Variants in ZRANB3 observed in about 807,000 individuals in gnomAD.
ZRANB3 encodes DNA annealing helicase and endonuclease ZRANB3.
Under a neutral mutation model 133.8 loss-of-function variants are expected in ZRANB3, and 125 were observed. The observed-to-expected ratio is 0.93, with a 90% CI of 0.81 to 1.08. ZRANB3 has a LOEUF of 1.08. Among genes scored for constraint, ZRANB3 ranks in the 50% least tolerant of loss-of-function variants. The probability of loss-of-function intolerance (pLI) is 0.00; values close to 1 mark genes in which losing one functional copy is unlikely to be tolerated. For missense variants in ZRANB3, 1,229 were observed against 1,275.5 expected, an observed-to-expected ratio of 0.96 and a Z score of 0.56; for synonymous variants, 387 against 432.7, an observed-to-expected ratio of 0.89 and a Z score of 1.31.
At chr2:135,234,658 T>C (rs1695204850) in intron 12 of ZRANB3, among the ~76,000 whole-genome samples, 1 of 152,244 alleles carries the variant, frequency 6.6e-6, no homozygotes, top group East Asian at 1.9e-4. Context: ...CATAACTACA[T>C]GGAAACTGAA....
intron 3 of ZRANB3, among the ~76,000 whole-genome samples, chr2:135,384,180 G>A (rs1360964365): frequency 6.6e-6 from 1 of 152,154 alleles, no homozygotes; most frequent in Non-Finnish European, 1.5e-5. Flanking sequence ...CAATTCCACA[G>A]AAATGCAAAT....
chr2:135,506,814 A>G (rs999079614), intron 1 of ZRANB3, among the ~76,000 whole-genome samples: 1 of 152,204 alleles, frequency 6.6e-6, no homozygotes, highest in African/African-American at 2.4e-5. Context: ...GGCAGGAGAT[A>G]AATGTTCTTA....
At chr2:135,371,659 T>G (rs1686186006) in intron 3 of ZRANB3, among the ~76,000 whole-genome samples, 2 of 152,350 alleles carry the variant, frequency 1.3e-5, no homozygotes, top group South Asian at 2.1e-4. Context: ...GATAAATTTT[T>G]AGGCTGAGAA....
chr2:135,228,316 T>TG (rs1475578897), intron 13 of ZRANB3: 4 of 204,942 alleles, frequency 2.0e-5, no homozygotes, highest in South Asian at 8.6e-5. Context: ...AGTTTTGTTT[T>TG]TTTTTTTTTT....
intron 2 of ZRANB3, among the ~76,000 whole-genome samples, chr2:135,434,268 C>T (rs772839148): frequency 4.6e-5 from 7 of 152,152 alleles, no homozygotes; most frequent in African/African-American, 7.2e-5. Context: ...TATTAACAGG[C>T]GGATCTGAGT....
chr2:135,511,337 T>C, intron 1 of ZRANB3: 2 of 853,308 alleles, frequency 2.3e-6, no homozygotes, highest in Non-Finnish European at 4.1e-6. Flanking sequence ...ATTCTTGTTC[T>C]GGTTCTGGCT....
Position 135,318,612 on chromosome 2 carries a change from G to A in ZRANB3, c.678-3082C>T, listed in dbSNP as rs1334015236. ...TATAATAATGGAAACAGTTCCAGAA[G>A]AACACACATCAAGATATGATACATT... On this transcript the variant is annotated intron_variant, in intron 6 of 20. Coordinates refer to ENST00000264159, the MANE Select transcript of ZRANB3 (RefSeq NM_032143.4). Among the ~76,000 whole-genome samples, 4 of 152,088 alleles carry A rather than the reference G, an allele frequency of 2.6e-5. No homozygotes were observed. In the East Asian group the frequency reaches 7.7e-4, roughly 29 times the overall value.
chr2:135,312,095 T>C (rs1683004425), intron 8 of ZRANB3, among the ~76,000 whole-genome samples: 1 of 151,640 alleles, frequency 6.6e-6, no homozygotes, highest in African/African-American at 2.4e-5. Context: ...TCAAGCCTCA[T>C]CCAACCATAC....
chr2:135,436,885 T>C (rs2104988144), intron 2 of ZRANB3, among the ~76,000 whole-genome samples: 1 of 152,336 alleles, frequency 6.6e-6, no homozygotes, highest in East Asian at 1.9e-4. Context: ...CTAGAGAATT[T>C]TCATAGCAGT....
intron 8 of ZRANB3, among the ~76,000 whole-genome samples, chr2:135,293,578 G>A (rs1021364301): frequency 3.3e-5 from 5 of 151,960 alleles, no homozygotes; most frequent in African/African-American, 9.7e-5. Context: ...CTAATTGAAT[G>A]CCCTTTATTT....
At chr2:135,211,458 T>G (rs1432716941) in intron 17 of ZRANB3, among the ~76,000 whole-genome samples, 3 of 152,142 alleles carry the variant, frequency 2.0e-5, no homozygotes, top group African/African-American at 7.2e-5. Context: ...GGAGAATCAC[T>G]TGAATCCGGG....
intron 2 of ZRANB3, among the ~76,000 whole-genome samples, chr2:135,483,520 A>G (rs555433041): frequency 2.0e-5 from 3 of 151,394 alleles, no homozygotes; most frequent in East Asian, 3.9e-4. Context: ...TTTTATTAGT[A>G]TTGCTAGTGG....
At chr2:135,417,280 C>T (rs1229125663) in intron 2 of ZRANB3, among the ~76,000 whole-genome samples, 2 of 151,746 alleles carry the variant, frequency 1.3e-5, no homozygotes, top group African/African-American at 4.8e-5. Context: ...AACAAACAAC[C>T]CCATCAAAAA....
intron 2 of ZRANB3, among the ~76,000 whole-genome samples, chr2:135,420,091 TTATATA>T (rs201217358): frequency 1.0e-3 from 73 of 72,464 alleles, no homozygotes; most frequent in South Asian, 4.1e-3. Flanking sequence ...TATCTTAGAT[TTATATA>T]TATATATATA....
intron 12 of ZRANB3, among the ~76,000 whole-genome samples, chr2:135,232,992 T>C (rs535264669): frequency 6.6e-6 from 1 of 152,038 alleles, no homozygotes; most frequent in Admixed American, 6.5e-5. Flanking sequence ...ATCAAACTAT[T>C]CCGAGCTAAA....
chr2:135,421,619 T>C (rs1167339826), intron 2 of ZRANB3, among the ~76,000 whole-genome samples: 1 of 152,134 alleles, frequency 6.6e-6, no homozygotes, highest in Non-Finnish European at 1.5e-5. Context: ...TCCTGCCCTA[T>C]TTTTAAACTT....
At chr2:135,399,998 T>C (rs1687664574) in intron 2 of ZRANB3, among the ~76,000 whole-genome samples, 1 of 152,104 alleles carries the variant, frequency 6.6e-6, no homozygotes, top group Non-Finnish European at 1.5e-5. Context: ...TCCCAGCAAT[T>C]TGGAAGGCCA....
chr2:135,385,618 T>C (rs1315905245), intron 3 of ZRANB3, among the ~76,000 whole-genome samples: 1 of 152,182 alleles, frequency 6.6e-6, no homozygotes, highest in Non-Finnish European at 1.5e-5. Context: ...CAAAACAGCA[T>C]GGTAGTGGTA....
At chr2:135,492,425 G>C (rs1692431670) in intron 2 of ZRANB3, among the ~76,000 whole-genome samples, 1 of 152,094 alleles carries the variant, frequency 6.6e-6, no homozygotes, top group South Asian at 2.1e-4. Context: ...AGGACGAAAG[G>C]AAAGAACTAA....
Sources: gnomAD v4.1 joint callset for allele counts (sites outside exome capture counted in the v4.1 genomes callset) on GRCh38, gnomAD v4.1.1 for gene constraint, MANE v1.5 for transcripts, NCBI Gene and HGNC (gene_info 2026-07-23, HGNC 2026-07-21) for gene names.